The following EXOC4 variants were observed in gnomAD, a reference collection of about 807,000 sequenced individuals.
EXOC4 encodes the protein SEC8-like 1.
A neutral mutation model predicts 107.2 loss-of-function variants in EXOC4; 71 were observed. The ratio of observed to expected loss-of-function variants is 0.66; its 90% CI spans 0.55 to 0.81. The LOEUF is 0.81. Ranked by LOEUF, EXOC4 falls within the 30% of genes least tolerant of loss-of-function variation. The probability of loss-of-function intolerance (pLI) is 0.00; values close to 1 mark genes in which losing one functional copy is unlikely to be tolerated. For synonymous variants in EXOC4, 456 were observed against 441.2 expected (o/e 1.03, Z -0.42); for missense variants, 1,108 against 1,189.6 (o/e 0.93, Z 1.01).
At chr7:133,621,116 G>A (rs1255036775) in intron 9 of EXOC4, among the ~76,000 whole-genome samples, 1 of 152,190 alleles carries the variant, frequency 6.6e-6, no homozygotes, top group Non-Finnish European at 1.5e-5. Context: ...TCATGGAAGA[G>A]CTCCAGGTGA....
chr7:133,636,005 G>T (rs1018232219), intron 10 of EXOC4, among the ~76,000 whole-genome samples: 1 of 152,136 alleles, frequency 6.6e-6, no homozygotes, highest in African/African-American at 2.4e-5. Flanking sequence ...TATTTCAACT[G>T]GAAAGGAGTT....
Position 134,047,130 on chromosome 7 carries a change from G to A in EXOC4, c.2688-17161G>A, listed in dbSNP as rs566518322. 1.3e-4 allele frequency among the ~76,000 whole-genome samples: 20 copies of A among 152,150 alleles called. No homozygotes were observed. In the South Asian group the frequency reaches 2.5e-3, roughly 19 times the overall value. ...GGTTTCATTTTAAATTGACTTTATG[G>A]CCTTTGAAAAACTTTAGTTTTTGTG... On this transcript the variant is annotated intron_variant, in intron 17 of 17. Transcript: ENST00000253861.
At chr7:133,743,117 A>G (rs752536349) in intron 10 of EXOC4, among the ~76,000 whole-genome samples, 1 of 152,192 alleles carries the variant, frequency 6.6e-6, no homozygotes, top group Non-Finnish European at 1.5e-5. Flanking sequence ...TGTTCTTATC[A>G]TAGTAGCACC....
rs1294769699 is a variant in EXOC4 at position 133,726,054 on chromosome 7, G to A, written c.1515-91271G>A. ...ATTTGGCTTGAAGTTTAAGATGTCT[G>A]TCAGTTATCCAAGGGAAGTTTGGAG... is the stretch of plus-strand genomic sequence containing the variant. On this transcript the variant is annotated intron_variant, in intron 10 of 17. Transcript: ENST00000253861. Among the ~76,000 whole-genome samples, 8 of 152,210 alleles carry A rather than the reference G, an allele frequency of 5.3e-5. No homozygotes were observed. In the East Asian group the frequency reaches 1.5e-3, roughly 29 times the overall value.
At chr7:134,033,520 CT>C (rs1795316303) in intron 17 of EXOC4, among the ~76,000 whole-genome samples, 1 of 152,160 alleles carries the variant, frequency 6.6e-6, no homozygotes, top group Admixed American at 6.5e-5. Flanking sequence ...CTCCCTCCCT[CT>C]AAGAACCTTT....
chr7:133,423,915 C>T (rs190113454), intron 7 of EXOC4, among the ~76,000 whole-genome samples: 161 of 152,258 alleles, frequency 1.1e-3, no homozygotes, highest in Non-Finnish European at 1.9e-3. Context: ...GGCTAGGTGC[C>T]GCAAAGTCCT....
intron 9 of EXOC4, among the ~76,000 whole-genome samples, chr7:133,575,980 C>A (rs1359976728): frequency 3.9e-5 from 6 of 152,158 alleles, no homozygotes. Flanking sequence ...CAGATGGGCA[C>A]AGTGAATATT....
intron 9 of EXOC4, among the ~76,000 whole-genome samples, chr7:133,505,913 C>G (rs1026274636): frequency 1.3e-5 from 2 of 152,086 alleles, no homozygotes; most frequent in Non-Finnish European, 2.9e-5. Flanking sequence ...GCTGAAGTCT[C>G]CTCCTTACTC....
At chr7:134,027,301 C>T (rs1409683935) in intron 17 of EXOC4, among the ~76,000 whole-genome samples, 1 of 152,136 alleles carries the variant, frequency 6.6e-6, no homozygotes, top group Non-Finnish European at 1.5e-5. Context: ...ACTACCCCAT[C>T]CGCACTTCTG....
chr7:133,915,326 A>G (rs891134720), intron 12 of EXOC4, among the ~76,000 whole-genome samples: 3 of 152,200 alleles, frequency 2.0e-5, no homozygotes, highest in Non-Finnish European at 4.4e-5. Context: ...TACAGGAAAA[A>G]GGGGAGATAG....
chr7:133,804,714 G>A (rs555395420), intron 10 of EXOC4, among the ~76,000 whole-genome samples: 1 of 152,124 alleles, frequency 6.6e-6, no homozygotes, highest in Non-Finnish European at 1.5e-5. Flanking sequence ...GTAATGTTCA[G>A]CTTAGGCCAG....
intron 9 of EXOC4, among the ~76,000 whole-genome samples, chr7:133,622,274 C>T (rs925020155): frequency 1.3e-5 from 2 of 152,048 alleles, no homozygotes; most frequent in African/African-American, 4.8e-5. Flanking sequence ...CACACCTGGC[C>T]GATTTTTTTT....
chr7:134,064,762 C>T lies in EXOC4; in HGVS notation c.*234C>T. 6.7e-6 allele frequency: 2 copies of T among 300,702 alleles called. No individual in the cohort carries two copies. Among genetic ancestry groups the T allele is most frequent in the East Asian group, 1.1e-4 (2 of 18,594 alleles). The allele number at this position is 300,702 out of a possible 1,614,324, so 18.6% of individuals were successfully genotyped here. ...TTTAATGCAGTCAAATCTAACGGGA[C>T]TAGGGTGGGATAGGGAGGAAGGTGG... On this transcript the variant is annotated 3_prime_UTR_variant, in exon 18 of 18. Transcript: ENST00000253861.
chr7:133,364,185 G>A (rs1406095958), intron 6 of EXOC4, among the ~76,000 whole-genome samples: 1 of 151,794 alleles, frequency 6.6e-6, no homozygotes, highest in Non-Finnish European at 1.5e-5. Context: ...GAATGTAGAG[G>A]CCCAATCATC....
At chr7:133,558,773 A>G (rs779824565) in intron 9 of EXOC4, among the ~76,000 whole-genome samples, 10 of 152,132 alleles carry the variant, frequency 6.6e-5, no homozygotes, top group Non-Finnish European at 1.0e-4. Flanking sequence ...TAACACTTCA[A>G]ATCATTTAAT....
intron 10 of EXOC4, among the ~76,000 whole-genome samples, chr7:133,752,805 G>C (rs533953168): frequency 1.1e-4 from 16 of 152,292 alleles, no homozygotes; most frequent in Admixed American, 2.6e-4. Flanking sequence ...ATGTCTTCAC[G>C]AAGGATGAGG....
At chr7:133,583,012 C>A (rs559572919) in intron 9 of EXOC4, among the ~76,000 whole-genome samples, 17 of 152,322 alleles carry the variant, frequency 1.1e-4, no homozygotes, top group African/African-American at 3.8e-4. Context: ...AATTCACATG[C>A]CATGCATGCT....
chr7:133,323,464 A>G (rs530947511), intron 5 of EXOC4, among the ~76,000 whole-genome samples: 1 of 152,114 alleles, frequency 6.6e-6, no homozygotes, highest in Non-Finnish European at 1.5e-5. Flanking sequence ...ATCTATTGAG[A>G]TACTCATGTG....
At chr7:133,778,829 TA>T (rs1796401098) in intron 10 of EXOC4, among the ~76,000 whole-genome samples, 1 of 152,246 alleles carries the variant, frequency 6.6e-6, no homozygotes, top group African/African-American at 2.4e-5. Flanking sequence ...TTAGTTCTAC[TA>T]AAATGCTAAC....
Sources: gnomAD v4.1 joint callset for allele counts (sites outside exome capture counted in the v4.1 genomes callset) on GRCh38, gnomAD v4.1.1 for gene constraint, MANE v1.5 for transcripts, NCBI Gene and HGNC (gene_info 2026-07-23, HGNC 2026-07-21) for gene names.